The following NRG1 variants were observed in gnomAD, a reference collection of about 807,000 sequenced individuals.
The protein encoded by NRG1 is neuregulin 1.
A neutral mutation model predicts 63.8 loss-of-function variants in NRG1; 18 were observed. That is an observed-to-expected ratio of 0.28 (90% CI 0.19 to 0.42). The LOEUF is 0.42. Among genes scored for constraint, NRG1 ranks in the 10% least tolerant of loss-of-function variants. The probability of loss-of-function intolerance (pLI) is 1.00; values close to 1 mark genes in which losing one functional copy is unlikely to be tolerated. For missense variants in NRG1, 762 were observed against 814.7 expected (o/e 0.94, Z 0.79); for synonymous variants, 302 against 301.3 (o/e 1.00, Z -0.02).
intron 1 of NRG1, among the ~76,000 whole-genome samples, chr8:31,677,766 C>T (rs1807876607): frequency 1.3e-5 from 2 of 152,174 alleles, no homozygotes; most frequent in African/African-American, 2.4e-5. Context: ...CACTAGAACT[C>T]CTGGTTGGAT....
At chr8:32,279,689 A>G (rs1852493102) in intron 1 of NRG1, among the ~76,000 whole-genome samples, 1 of 152,212 alleles carries the variant, frequency 6.6e-6, no homozygotes, top group Non-Finnish European at 1.5e-5. Flanking sequence ...CAATATCACA[A>G]TGTTAGTAAG....
In NRG1 at chr8:32,347,123, C is replaced by T. The variant is rs934094357; in HGVS notation, c.38-248705C>T. The stretch of plus-strand genomic sequence containing the variant: ...GGATTACGGGCATGAGCCACCGTGC[C>T]CGGCCAAGCATTTATCTTTTCTTTG... On this transcript the variant is annotated intron_variant, in intron 1 of 10. Transcript: ENST00000519301. Among the ~76,000 whole-genome samples the T allele has an allele frequency of 4.6e-5, 7 of 152,246 alleles. No individual in the cohort carries two copies. The South Asian group carries it at 6.2e-4, about 14-fold the overall frequency.
At chr8:32,621,993 T>C (rs1848420519) in intron 5 of NRG1, among the ~76,000 whole-genome samples, 1 of 152,182 alleles carries the variant, frequency 6.6e-6, no homozygotes, top group South Asian at 2.1e-4. Context: ...TTCAAGTAAA[T>C]GACTTGTCTG....
intron 1 of NRG1, among the ~76,000 whole-genome samples, chr8:31,775,848 A>T (rs1819072737): frequency 7.8e-6 from 1 of 127,942 alleles, no homozygotes; most frequent in Admixed American, 9.9e-5. Flanking sequence ...ATGCCACCAC[A>T]CTCCAGCCTG....
chr8:32,754,143 G>A (rs1366642814), intron 7 of NRG1, among the ~76,000 whole-genome samples: 1 of 152,058 alleles, frequency 6.6e-6, no homozygotes, highest in Non-Finnish European at 1.5e-5. Context: ...TAATTTCTGA[G>A]TATAATATTT....
chr8:32,539,856 C>T (rs931036586), intron 1 of NRG1, among the ~76,000 whole-genome samples: 2 of 151,958 alleles, frequency 1.3e-5, no homozygotes, highest in South Asian at 2.1e-4. Context: ...CTATGAGTCC[C>T]AGGCAAAGGT....
chr8:32,106,781 G>A (rs1046110478), intron 1 of NRG1, among the ~76,000 whole-genome samples: 1 of 152,082 alleles, frequency 6.6e-6, no homozygotes, highest in East Asian at 1.9e-4. Context: ...CTATTCTGTT[G>A]TACATAGACT....
At chr8:31,993,370 T>C (rs1051973774) in intron 1 of NRG1, among the ~76,000 whole-genome samples, 2 of 151,960 alleles carry the variant, frequency 1.3e-5, no homozygotes, top group East Asian at 1.9e-4. Context: ...TGGACTCTAA[T>C]ATGGTTTGAC....
intron 1 of NRG1, among the ~76,000 whole-genome samples, chr8:32,396,798 T>G (rs902250172): frequency 6.6e-6 from 1 of 152,202 alleles, no homozygotes; most frequent in Admixed American, 6.5e-5. Context: ...TTTTATTAAT[T>G]TATATTTCAA....
chr8:32,671,565 A>T (rs1187308159), intron 5 of NRG1, among the ~76,000 whole-genome samples: 1 of 152,208 alleles, frequency 6.6e-6, no homozygotes, highest in Non-Finnish European at 1.5e-5. Context: ...TAAAATGCTT[A>T]AAAAATGTTA....
chr8:32,080,117 A>G (rs1161087595), intron 1 of NRG1, among the ~76,000 whole-genome samples: 1 of 152,196 alleles, frequency 6.6e-6, no homozygotes, highest in Non-Finnish European at 1.5e-5. Context: ...TTTTAACACT[A>G]TCAGAATATA....
intron 1 of NRG1, among the ~76,000 whole-genome samples, chr8:32,584,214 T>C (rs939771644): frequency 1.3e-5 from 2 of 152,168 alleles, no homozygotes; most frequent in Non-Finnish European, 2.9e-5. Context: ...CAGAATAATG[T>C]AGCACCAGGT....
At chr8:31,917,840 A>T (rs1476362781) in intron 1 of NRG1, among the ~76,000 whole-genome samples, 1 of 152,228 alleles carries the variant, frequency 6.6e-6, no homozygotes, top group East Asian at 1.9e-4. Flanking sequence ...ACCCATGAGC[A>T]TGGAATGTTC....
chr8:32,266,961 A>C (rs552458882), intron 1 of NRG1, among the ~76,000 whole-genome samples: 5 of 152,062 alleles, frequency 3.3e-5, no homozygotes, highest in Admixed American at 3.3e-4. Flanking sequence ...AGGCAGGAGA[A>C]TCACTTGAAC....
At chr8:32,311,215 G>A (rs1325775692) in intron 1 of NRG1, among the ~76,000 whole-genome samples, 1 of 152,136 alleles carries the variant, frequency 6.6e-6, no homozygotes, top group Non-Finnish European at 1.5e-5. Flanking sequence ...AAGATAAGGT[G>A]GTGAACAAGA....
intron 1 of NRG1, among the ~76,000 whole-genome samples, chr8:32,461,611 G>A (rs559003744): frequency 1.3e-5 from 2 of 152,206 alleles, no homozygotes; most frequent in South Asian, 4.2e-4. Context: ...AGAATTGCTT[G>A]AACCTAGGAG....
chr8:32,306,964 C>T (rs562718315), intron 1 of NRG1, among the ~76,000 whole-genome samples: 1 of 152,146 alleles, frequency 6.6e-6, no homozygotes, highest in African/African-American at 2.4e-5. Context: ...TAATAATGGG[C>T]AGCTTTTGAG....
chr8:32,361,567 G>A (rs1807216211), intron 1 of NRG1, among the ~76,000 whole-genome samples: 1 of 151,938 alleles, frequency 6.6e-6, no homozygotes, highest in African/African-American at 2.4e-5. Flanking sequence ...GACGAATGTT[G>A]TCCAAAATTG....
At chr8:32,236,422 T>C (rs1267556069) in intron 1 of NRG1, among the ~76,000 whole-genome samples, 1 of 152,172 alleles carries the variant, frequency 6.6e-6, no homozygotes, top group Admixed American at 6.5e-5. Context: ...AACATAAATA[T>C]TGAACAGAGT....
Sources: allele counts gnomAD v4.1 joint callset (sites outside exome capture counted in the v4.1 genomes callset), GRCh38; gene constraint gnomAD v4.1.1; transcripts MANE v1.5; gene names NCBI Gene and HGNC (gene_info 2026-07-23, HGNC 2026-07-21).